The following INPP5E variants were observed in gnomAD, a reference collection of about 807,000 sequenced individuals.
INPP5E encodes inositol polyphosphate-5-phosphatase E, also known as phosphatidylinositol polyphosphate 5-phosphatase type IV.
A neutral mutation model predicts 50.5 loss-of-function variants in INPP5E; 34 were observed. The observed-to-expected ratio is 0.67, with a 90% CI of 0.51 to 0.90. The LOEUF (loss-of-function observed/expected upper bound fraction) is 0.90, where lower values mean the gene tolerates loss of function less well. Among genes scored for constraint, INPP5E ranks in the 40% least tolerant of loss-of-function variants. The pLI is 0.00. For synonymous variants in INPP5E, 447 were observed against 406.0 expected, an observed-to-expected ratio of 1.10 and a Z score of -1.21; for missense variants, 942 against 905.5, an observed-to-expected ratio of 1.04 and a Z score of -0.52.
Position 136,438,933 on chromosome 9 carries a change from C to G in INPP5E, c.487G>C (p.Gly163Arg). The change falls in exon 1 of 10, where the codon GGG becomes CGG. Residue 163 changes from glycine (G) to arginine (R), a missense_variant. Transcript: ENST00000371712. The stretch of plus-strand genomic sequence containing the variant: ...AGGTTCGGGGAGCTGCTGGCCACCC[C>G]AGAGAGAGGGTTACCCCCCGAGGAC... ...SPSSGGNPLS[G>R]VASSSPNLPH... 6.4e-7 allele frequency: 1 copy of G among 1,570,296 alleles called. No homozygotes were observed. Among genetic ancestry groups the G allele is most frequent in the South Asian group, 1.2e-5 (1 of 86,476 alleles).
At position 136,439,065 on chromosome 9, in the gene INPP5E, C is replaced by T. The variant is rs1428164960; in HGVS notation, c.355G>A (p.Glu119Lys). 2 of 1,567,326 alleles carry T rather than the reference C, an allele frequency of 1.3e-6. No homozygotes were observed. Among genetic ancestry groups the T allele is most frequent in the Non-Finnish European group, 1.7e-6 (2 of 1,157,022 alleles). The change falls in exon 1 of 10, where the codon GAG (glutamate) becomes AAG (lysine). Residue 119 changes from glutamate to lysine, a missense_variant. Physicochemically the swap from Glu to Lys is moderately conservative, Grantham distance 56. Coordinates refer to ENST00000371712, the MANE Select transcript of INPP5E (RefSeq NM_019892.6). ...CTGTGGGCGGGGGCCCCGGGGCCCT[C>T]GCTCTGCACTGAGCCCCTGGAGGGA... ...TSPSRGSVQSEGPGAPAHSCS... is the reference protein window; with the variant it reads ...TSPSRGSVQSKGPGAPAHSCS...
chr9:136,437,378 G>C (rs756684024), intron 1 of INPP5E: 1 of 152,276 alleles, frequency 6.6e-6, no homozygotes, highest in Non-Finnish European at 1.5e-5. Context: ...CCTGGATTTA[G>C]GGTAGGCAGT....
rs543729956 is a variant in INPP5E at position 136,429,592 on chromosome 9, C to T, written c.*83G>A. 29 of 1,568,094 alleles carry T rather than the reference C, an allele frequency of 1.8e-5. No individual in the cohort carries two copies. Among genetic ancestry groups the T allele is most frequent in the South Asian group, 7.7e-5 (7 of 90,342 alleles). ...CACAGTCCCTCGGATCCCCGAAAGG[C>T]GGCAAACTCTTTGTCCTTCCCAGTG... On this transcript the variant is annotated 3_prime_UTR_variant, in exon 10 of 10. Transcript: ENST00000371712.
intron 2 of INPP5E, 64 bp downstream of exon 2, chr9:136,434,676 C>T (rs1266433521): frequency 5.1e-6 from 8 of 1,556,826 alleles, no homozygotes; most frequent in African/African-American, 1.4e-5. Flanking sequence ...CCCCGTCCCC[C>T]TCACCCGCCT....
At position 136,433,256 on chromosome 9, in the gene INPP5E, T is replaced by G; in HGVS notation, c.1058A>C (p.Gln353Pro). 6.3e-7 allele frequency: 1 copy of G among 1,587,094 alleles called. No individual in the cohort carries two copies. Among genetic ancestry groups the G allele is most frequent in the Non-Finnish European group, 8.5e-7 (1 of 1,174,126 alleles). Reference sequence around the variant, plus strand: ...CACATAGTGCGGGCCCAGCGTCTCCTGCAGACGAGTCTCCCACTCCCGCCT... The same window carrying G: ...CACATAGTGCGGGCCCAGCGTCTCCGGCAGACGAGTCTCCCACTCCCGCCT... ...SDRREWETRLQETLGPHYVLL... is the reference protein window; with the variant it reads ...SDRREWETRLPETLGPHYVLL... Residue 353 changes from glutamine to proline, a missense_variant, in exon 4 of 10, where the codon CAG becomes CCG. Physicochemically the swap from Gln to Pro is moderately conservative, Grantham distance 76 (BLOSUM62 -1). Coordinates refer to ENST00000371712, the MANE Select transcript of INPP5E (RefSeq NM_019892.6).
In INPP5E at chr9:136,431,254, C is replaced by T. The variant is rs1835693945; in HGVS notation, c.1550-137G>A. On this transcript the variant is annotated intron_variant, in intron 7 of 9. Coordinates refer to ENST00000371712, the MANE Select transcript of INPP5E (RefSeq NM_019892.6). Reference sequence around the variant, plus strand: ...GCAGGCCCTCACCTTTCCTCATCTCCCGCCACGCCCGCCCCCCCAGGCCCT... The same window carrying T: ...GCAGGCCCTCACCTTTCCTCATCTCTCGCCACGCCCGCCCCCCCAGGCCCT... 3 of 426,678 alleles carry T rather than the reference C, an allele frequency of 7.0e-6. No individual in the cohort carries two copies. In the Admixed American group the frequency reaches 9.2e-5, roughly 13 times the overall value. 26.4% of individuals were successfully genotyped at this position (426,678 alleles called of 1,614,324 possible). A position where few individuals can be genotyped will look rare whatever the true frequency, so the allele number is the denominator to read the frequency against.
At chr9:136,434,672 C>T (rs927647632) in intron 2 of INPP5E, 68 bp downstream of exon 2, 9 of 1,551,068 alleles carry the variant, frequency 5.8e-6, no homozygotes, top group Non-Finnish European at 8.7e-7. Context: ...GCTGCCCCGT[C>T]CCCCTCACCC....
rs1330815905 is a variant in INPP5E at position 136,431,113 on chromosome 9, G to A, written c.1554C>T (p.Ser518=). The change falls in exon 8 of 10, where the codon TCC becomes TCT. Residue 518 remains serine, a synonymous_variant. Transcript: ENST00000371712. The part of the protein sequence containing the change: ...DQLIREMRKG[S]IFKGFQEPDI... The stretch of plus-strand genomic sequence containing the variant: ...CCGGCTCCTGGAAGCCCTTGAAGAT[G>A]GACCCTGCCACAGGATGGGCACTCG... 6.2e-7 allele frequency: 1 copy of A among 1,608,844 alleles called. No individual in the cohort carries two copies. Among genetic ancestry groups the A allele is most frequent in the Admixed American group, 1.7e-5 (1 of 59,904 alleles).
rs1343415836 is a variant in INPP5E, at chr9:136,438,634, G to C, written c.786C>G (p.Pro262=). Residue 262 remains proline (P), a synonymous_variant, in exon 1 of 10, where the codon CCC becomes CCG. Coordinates refer to ENST00000371712, the MANE Select transcript of INPP5E (RefSeq NM_019892.6). ...TGCTGCGGACGTCCTTGCTGCGGAT[G>C]GGCGCCAGGAGGCTGAAGGAGGATT... ...SAKSSFSLLA[P]IRSKDVRSRS... 1.9e-6 allele frequency: 3 copies of C among 1,570,944 alleles called. No individual in the cohort carries two copies. Among genetic ancestry groups the C allele is most frequent in the Non-Finnish European group, 1.7e-6 (2 of 1,158,868 alleles).
rs763992407 is a variant in INPP5E at position 136,430,326 on chromosome 9, G to A, written c.1753C>T (p.Arg585Cys). 12 of 1,552,254 alleles carry A rather than the reference G, an allele frequency of 7.7e-6. No homozygotes were observed. The highest frequency in any genetic ancestry group is 2.7e-5 in the African/African-American group (2 of 73,156). The change falls in exon 9 of 10, where the codon CGC (arginine) becomes TGC (cysteine). Residue 585 changes from arginine to cysteine, a missense_variant. Transcript: ENST00000371712. Reference protein sequence around the residue: ...SCPGIKTSDHRPVYGLFRVKV... With the variant: ...SCPGIKTSDHCPVYGLFRVKV... ...ACCCGGAAGAGGCCATACACAGGGC[G>A]GTGGTCGGACGTCTTGATCCCGGGG...
At position 136,428,814 on chromosome 9, in the gene INPP5E, C is replaced by T. The variant is rs1835632094; in HGVS notation, c.*861G>A. On this transcript the variant is annotated 3_prime_UTR_variant, in exon 10 of 10. Transcript: ENST00000371712. Reference sequence around the variant, plus strand: ...CCCGGGACATGGTGGGGATCCCTGGCCTAGGTGTTCAAGGTGGTGGCATCC... The same window carrying T: ...CCCGGGACATGGTGGGGATCCCTGGTCTAGGTGTTCAAGGTGGTGGCATCC... 1.3e-5 allele frequency: 2 copies of T among 152,446 alleles called. No individual in the cohort carries two copies. Among genetic ancestry groups the T allele is most frequent in the Admixed American group, 1.3e-4 (2 of 15,284 alleles). 9.4% of individuals were successfully genotyped at this position (152,446 alleles called of 1,614,324 possible).
chr9:136,429,843 G>C, intron 9 of INPP5E, 36 bp from the exon 10 acceptor site: 2 of 1,604,000 alleles, frequency 1.2e-6, no homozygotes, highest in South Asian at 2.2e-5. Context: ...AGGGCACCCA[G>C]GGCCAGGAGG....
chr9:136,428,778 G>A lies in INPP5E; in HGVS notation c.*897C>T, dbSNP rs1359284859. The A allele has an allele frequency of 2.0e-5, 3 of 152,492 alleles. No homozygotes were observed. The highest frequency in any genetic ancestry group is 1.9e-4 in the East Asian group (1 of 5,336). The allele number at this position is 152,492 out of a possible 1,614,324, so 9.4% of individuals were successfully genotyped here. A position where few individuals can be genotyped will look rare whatever the true frequency, so the allele number is the denominator to read the frequency against. On this transcript the variant is annotated 3_prime_UTR_variant, in exon 10 of 10. Coordinates refer to ENST00000371712, the MANE Select transcript of INPP5E (RefSeq NM_019892.6). ...CAAGAATGAACGGTTCTATACTCTC[G>A]AAGAAAGAAACCCGGGACATGGTGG... is the stretch of plus-strand genomic sequence containing the variant.
intron 1 of INPP5E, chr9:136,438,101 C>T (rs1835867599): frequency 5.6e-6 from 1 of 178,142 alleles, no homozygotes; most frequent in Admixed American, 5.5e-5. Context: ...ACGGCGAAAC[C>T]CCGCCCCTAC....
Position 136,434,829 on chromosome 9 carries a change from C to A in INPP5E, c.847G>T (p.Ala283Ser), listed in dbSNP as rs1310994013. The A allele has an allele frequency of 1.9e-6, 3 of 1,611,434 alleles. No individual in the cohort carries two copies. The highest frequency in any genetic ancestry group is 2.2e-5 in the South Asian group (2 of 90,692). Reference sequence around the variant, plus strand: ...GCCAGCTCATCCGCCCCCAACAGGGCCCCGCTGGCCAGGAGGCTGCCCTCC... The same window carrying A: ...GCCAGCTCATCCGCCCCCAACAGGGACCCGCTGGCCAGGAGGCTGCCCTCC... ...YLEGSLLASGALLGADELARY... is the reference protein window; with the variant it reads ...YLEGSLLASGSLLGADELARY... Residue 283 changes from alanine (A) to serine (S), a missense_variant, in exon 2 of 10, where the codon GCC becomes TCC. Physicochemically the swap from Ala to Ser is moderately conservative, Grantham distance 99 (BLOSUM62 1). Coordinates refer to ENST00000371712, the MANE Select transcript of INPP5E (RefSeq NM_019892.6).
rs1431718344 is a variant in INPP5E, at chr9:136,428,974, G to A, written c.*701C>T. ...TCTACGTCACCAAGACCATGAGATG[G>A]TTTCACACAATAGGCTTGGCCTATG... is the stretch of plus-strand genomic sequence containing the variant. On this transcript the variant is annotated 3_prime_UTR_variant, in exon 10 of 10. Transcript: ENST00000371712. 6.5e-6 allele frequency: 1 copy of A among 154,590 alleles called. No homozygotes were observed. The highest frequency in any genetic ancestry group is 1.4e-5 in the Non-Finnish European group (1 of 69,454). The allele number at this position is 154,590 out of a possible 1,614,324, so 9.6% of individuals were successfully genotyped here. A position where few individuals can be genotyped will look rare whatever the true frequency, so the allele number is the denominator to read the frequency against.
intron 9 of INPP5E, 85 bp downstream of exon 9, chr9:136,430,192 C>T (rs1835666059): frequency 6.6e-7 from 1 of 1,513,742 alleles, no homozygotes; most frequent in Non-Finnish European, 8.9e-7. Flanking sequence ...AAGTGGAACC[C>T]CACGATGACA....
Position 136,430,995 on chromosome 9 carries a change from G to T in INPP5E, c.1665+7C>A. 6.4e-7 allele frequency: 1 copy of T among 1,564,368 alleles called. No individual in the cohort carries two copies. The highest frequency in any genetic ancestry group is 8.8e-7 in the Non-Finnish European group (1 of 1,135,184). On this transcript the variant is annotated splice_region_variant and intron_variant, in intron 8 of 9. Coordinates refer to ENST00000371712, the MANE Select transcript of INPP5E (RefSeq NM_019892.6). Reference sequence around the variant, plus strand: ...CACTCTGCACCGCAGCGGTGGGCAGGCCTCACCGTGTATGAGGGCGTCCTC... The same window carrying T: ...CACTCTGCACCGCAGCGGTGGGCAGTCCTCACCGTGTATGAGGGCGTCCTC...
At position 136,433,391 on chromosome 9, in the gene INPP5E, G is replaced by A. The variant is rs1835759452; in HGVS notation, c.1035-112C>T. 7 of 1,429,098 alleles carry A rather than the reference G, an allele frequency of 4.9e-6. No homozygotes were observed. The East Asian group carries it at 1.7e-4, about 36-fold the overall frequency. The allele number at this position is 1,429,098 out of a possible 1,614,324, so 88.5% of individuals were successfully genotyped here. ...GCTACCAGGGAAACCCCACGACCTG[G>A]CCTTGGTGTCTTGCGCGGAGAAGCA... On this transcript the variant is annotated intron_variant, in intron 3 of 9. Transcript: ENST00000371712.
Sources: gnomAD v4.1 joint callset for allele counts on GRCh38, gnomAD v4.1.1 for gene constraint, MANE v1.5 for transcripts, NCBI Gene and HGNC (gene_info 2026-07-23, HGNC 2026-07-21) for gene names.